The following TTC23L variants were observed in gnomAD, a reference collection of about 807,000 sequenced individuals.
TTC23L encodes the protein tetratricopeptide repeat protein 23-like.
A neutral mutation model predicts 48.1 loss-of-function variants in TTC23L; 42 were observed. That is an observed-to-expected ratio of 0.87 (90% CI 0.68 to 1.13). The LOEUF (loss-of-function observed/expected upper bound fraction) is 1.13. TTC23L is among the 50% of genes most tolerant of loss of function. TTC23L has a pLI of 0.00. For synonymous variants in TTC23L, 159 were observed against 157.2 expected (o/e 1.01, Z -0.09); for missense variants, 391 against 421.0 (o/e 0.93, Z 0.62).
the TTC23L span, chr5:34,915,052 TGAACACGGCTGACCAGGCC>T: frequency 4.4e-6 from 3 of 682,630 alleles, no homozygotes; most frequent in Non-Finnish European, 7.4e-6. Flanking sequence ...GCTGGGAGGC[TGAACACGGCTGACCAGGCC>T]GAACCCCACC....
chr5:34,913,954 A>G, the TTC23L span: 5 of 457,560 alleles, frequency 1.1e-5, no homozygotes, highest in Non-Finnish European at 1.8e-5. Flanking sequence ...GCCTGAGCTC[A>G]AGCGATCTTC....
chr5:34,897,952 G>A (rs1169030951), intron 10 of TTC23L, among the ~76,000 whole-genome samples: 2 of 152,178 alleles, frequency 1.3e-5, no homozygotes, highest in Admixed American at 6.5e-5. Flanking sequence ...GATTCATGGT[G>A]GTTAAGAGCT....
exon 10 of TTC23L, chr5:34,896,814 G>C (rs754704707): frequency 2.1e-5 from 16 of 752,904 alleles, no homozygotes; most frequent in Non-Finnish European, 4.0e-5. Flanking sequence ...GCCATTCCTG[G>C]AAGAAGGAAC....
chr5:34,875,623 T>C (rs1007727336), intron 8 of TTC23L, among the ~76,000 whole-genome samples: 2 of 152,076 alleles, frequency 1.3e-5, no homozygotes, highest in Non-Finnish European at 2.9e-5. Flanking sequence ...TTAATCTCCT[T>C]TGGCAACACC....
the TTC23L span, chr5:34,915,004 G>A: frequency 4.9e-6 from 6 of 1,214,460 alleles, no homozygotes; most frequent in Non-Finnish European, 5.8e-6. Context: ...TGCTGGCGAG[G>A]TCCGGCGAGC....
chr5:34,900,378 G>A (rs191002374), downstream of TTC23L, among the ~76,000 whole-genome samples: 143 of 152,148 alleles, frequency 9.4e-4, no homozygotes, highest in Non-Finnish European at 1.4e-3. Flanking sequence ...CTCATTGCCT[G>A]TAATCCTAGC....
the TTC23L span, chr5:34,925,659 A>G: frequency 1.7e-6 from 1 of 596,108 alleles, no homozygotes; most frequent in Non-Finnish European, 2.7e-6. Flanking sequence ...TCTAAATAAA[A>G]TATCACCAGA....
At chr5:34,882,287 C>T (rs1228825637) in intron 9 of TTC23L, among the ~76,000 whole-genome samples, 1 of 152,144 alleles carries the variant, frequency 6.6e-6, no homozygotes, top group Non-Finnish European at 1.5e-5. Flanking sequence ...CTGGACAAAG[C>T]CACCAAAGGA....
At chr5:34,865,698 G>A (rs1270536701) in intron 6 of TTC23L, among the ~76,000 whole-genome samples, 5 of 152,112 alleles carry the variant, frequency 3.3e-5, no homozygotes, top group Non-Finnish European at 7.4e-5. Context: ...AATGAGGGTA[G>A]GTATTTCTAT....
At chr5:34,851,883 CAGGGGTCTTATGAT>C (rs913811191) in intron 4 of TTC23L, among the ~76,000 whole-genome samples, 16 of 152,192 alleles carry the variant, frequency 1.1e-4, no homozygotes, top group Non-Finnish European at 2.2e-4. Flanking sequence ...TAGGAGCACA[CAGGGGTCTTATGAT>C]AGGTACCATT....
the TTC23L span, among the ~76,000 whole-genome samples, chr5:34,919,484 T>G: frequency 6.6e-6 from 1 of 152,142 alleles, no homozygotes; most frequent in African/African-American, 2.4e-5. Flanking sequence ...CACCTAAGAT[T>G]AAAAAGTGAA....
At chr5:34,899,867 C>T (rs886449596), downstream of TTC23L, among the ~76,000 whole-genome samples, 4 of 151,402 alleles carry the variant, frequency 2.6e-5, no homozygotes, top group South Asian at 2.1e-4. Context: ...TCCAGCCTGG[C>T]GACAGATAGA....
chr5:34,922,701 C>T, the TTC23L span: 1 of 1,613,360 alleles, frequency 6.2e-7, no homozygotes. Flanking sequence ...CTAGTTCATA[C>T]CCTCGCTGAA....
chr5:34,853,598 T>C (rs1727081798), intron 4 of TTC23L, among the ~76,000 whole-genome samples: 1 of 151,412 alleles, frequency 6.6e-6, no homozygotes, highest in African/African-American at 2.4e-5. Context: ...TAAGAATGGG[T>C]AGGGTAAAGG....
chr5:34,855,438 G>A (rs1760045737), intron 4 of TTC23L, among the ~76,000 whole-genome samples: 1 of 152,214 alleles, frequency 6.6e-6, no homozygotes, highest in Admixed American at 6.5e-5. Flanking sequence ...AGCCATCTCA[G>A]TCATCTAGGT....
At chr5:34,915,580 G>A in the TTC23L span, 1 of 942,896 alleles carries the variant, frequency 1.1e-6, no homozygotes, top group South Asian at 1.8e-5. Flanking sequence ...GAGGCCTAGA[G>A]AGCCGCGCGT....
chr5:34,850,245 G>C lies in TTC23L; in HGVS notation c.316G>C (p.Asp106His), dbSNP rs760033455. Residue 106 changes from aspartate (D) to histidine (H), a missense_variant, in exon 4 of 11, where the codon GAC becomes CAC. Transcript: ENST00000505624. ...CATCCTTTCTCGGATTATTTTTGGG[G>C]ACCATCACTGGAAATGTGCACGAGC... is the stretch of plus-strand genomic sequence containing the variant. 6.8e-6 allele frequency: 11 copies of C among 1,613,878 alleles called. No homozygotes were observed. In the South Asian group the frequency reaches 1.2e-4, roughly 18 times the overall value.
the TTC23L span, chr5:34,911,622 T>C: frequency 6.2e-7 from 1 of 1,614,070 alleles, no homozygotes; most frequent in East Asian, 2.2e-5. Flanking sequence ...ATTCAGAAAA[T>C]GCTTCACGGA....
downstream of TTC23L, among the ~76,000 whole-genome samples, chr5:34,904,176 C>T (rs1365335213): frequency 6.6e-6 from 1 of 151,568 alleles, no homozygotes; most frequent in East Asian, 2.0e-4. Flanking sequence ...GCTATGTTGG[C>T]CAGACTAGTC....
Sources: gnomAD v4.1 joint callset for allele counts (sites outside exome capture counted in the v4.1 genomes callset) on GRCh38, gnomAD v4.1.1 for gene constraint, MANE v1.5 for transcripts, NCBI Gene and HGNC (gene_info 2026-07-23, HGNC 2026-07-21) for gene names.